RXFP1: variants seen among roughly 807,000 people sequenced by gnomAD.
The protein encoded by RXFP1 is relaxin receptor 1.
In RXFP1, 73 loss-of-function variants were observed where a neutral mutation model predicts 89.8. The ratio of observed to expected loss-of-function variants is 0.81; its 90% CI spans 0.67 to 0.99. RXFP1 has a LOEUF of 0.99. RXFP1 is among the 50% of genes least tolerant of loss of function. RXFP1 has a pLI of 0.00. For missense variants in RXFP1, 793 were observed against 895.5 expected, an observed-to-expected ratio of 0.89 and a Z score of 1.46; for synonymous variants, 277 against 305.5, an observed-to-expected ratio of 0.91 and a Z score of 0.97.
intron 1 of RXFP1, among the ~76,000 whole-genome samples, chr4:158,561,418 AAT>A (rs1369872925): frequency 5.3e-5 from 8 of 152,292 alleles, no homozygotes; most frequent in Middle Eastern, 3.4e-3. Flanking sequence ...AAATCATTTT[AAT>A]ATTGTATAAA....
In RXFP1 at chr4:158,522,580, G is replaced by A. The variant is rs554852833; in HGVS notation, c.49+555G>A. On this transcript the variant is annotated intron_variant, in intron 1 of 17. Transcript: ENST00000307765. ...TAGGCACAAAAGAAGCTCCAAATGG[G>A]CATGTTATTTTTACTATAATGACAA... Among the ~76,000 whole-genome samples, 21 of 152,200 alleles carry A rather than the reference G, an allele frequency of 1.4e-4. 1 individual carries two copies. Among genetic ancestry groups the A allele is most frequent in the Middle Eastern group, 3.4e-3 (1 of 294 alleles).
chr4:158,594,955 G>A (rs2150073568), intron 3 of RXFP1, among the ~76,000 whole-genome samples: 1 of 152,010 alleles, frequency 6.6e-6, no homozygotes, highest in East Asian at 1.9e-4. Flanking sequence ...ATGCTTAGGT[G>A]GTTATTTTAT....
chr4:158,626,111 T>TATAGATAG lies in RXFP1; in HGVS notation c.756-650_756-643dup, dbSNP rs71587463. On this transcript the variant is annotated intron_variant, in intron 9 of 17. Transcript: ENST00000307765. ...CAGGAGGATTATATTTAGATATCTA[T>TATAGATAG]ATAGATAGATAGATAGATAGATAGA... 7.6e-3 allele frequency among the ~76,000 whole-genome samples: 1,041 copies of TATAGATAG among 136,648 alleles called. 5 individuals carry two copies. Among genetic ancestry groups the TATAGATAG allele is most frequent in the East Asian group, 0.023 (105 of 4,634 alleles). 89.6% of individuals were successfully genotyped at this position (136,648 alleles called of 152,430 possible).
intron 1 of RXFP1, among the ~76,000 whole-genome samples, chr4:158,567,154 T>G (rs1181684126): frequency 6.6e-6 from 1 of 152,198 alleles, no homozygotes; most frequent in Non-Finnish European, 1.5e-5. Flanking sequence ...GCTCGGGACC[T>G]GCAGCCTACC....
At chr4:158,589,333 AC>A (rs555209752) in intron 2 of RXFP1, among the ~76,000 whole-genome samples, 5 of 152,180 alleles carry the variant, frequency 3.3e-5, no homozygotes, top group Non-Finnish European at 7.3e-5. Flanking sequence ...GCTTTGCCTA[AC>A]CTAAAGCTAT....
At chr4:158,628,840 A>C (rs986635791) in intron 11 of RXFP1, 131 bp downstream of exon 11, 26 of 424,214 alleles carry the variant, frequency 6.1e-5, no homozygotes, top group Non-Finnish European at 4.3e-6. Context: ...ACATATATAC[A>C]CCTCAAGCCA....
chr4:158,599,519 A>C (rs1436838612), intron 4 of RXFP1, 88 bp downstream of exon 4: 11 of 1,023,386 alleles, frequency 1.1e-5, no homozygotes, highest in Non-Finnish European at 9.7e-6. Flanking sequence ...TATTCATAAT[A>C]TATTTTTATT....
Position 158,522,037 on chromosome 4 carries a change from C to T in RXFP1, c.49+12C>T. 1 of 1,515,998 alleles carries T rather than the reference C, an allele frequency of 6.6e-7. No individual in the cohort carries two copies. Among genetic ancestry groups the T allele is most frequent in the Non-Finnish European group, 9.2e-7 (1 of 1,092,670 alleles). 93.9% of individuals were successfully genotyped at this position (1,515,998 alleles called of 1,614,324 possible). ...TTTTGGAAAATATTGTAAGTATGCT[C>T]AGTATCTAATTTTGTATACCTTAGT... On this transcript the variant is annotated intron_variant, in intron 1 of 17. Coordinates refer to ENST00000307765, the MANE Select transcript of RXFP1 (RefSeq NM_021634.4).
At chr4:158,634,676 G>A (rs1230790957) in intron 12 of RXFP1, among the ~76,000 whole-genome samples, 1 of 151,980 alleles carries the variant, frequency 6.6e-6, no homozygotes, top group Non-Finnish European at 1.5e-5. Context: ...TTAATATTTA[G>A]GTCTTAAATC....
chr4:158,534,205 A>G (rs1744727967), intron 1 of RXFP1, among the ~76,000 whole-genome samples: 1 of 151,678 alleles, frequency 6.6e-6, no homozygotes, highest in Admixed American at 6.6e-5. Flanking sequence ...CCATGTACTT[A>G]GATACACAAA....
At chr4:158,574,650 T>TAG (rs1755841708) in intron 2 of RXFP1, among the ~76,000 whole-genome samples, 1 of 152,266 alleles carries the variant, frequency 6.6e-6, no homozygotes, top group East Asian at 1.9e-4. Flanking sequence ...TACATGCCTC[T>TAG]GAGCTTTCTT....
At chr4:158,623,035 T>A (rs1765928062) in intron 9 of RXFP1, among the ~76,000 whole-genome samples, 1 of 152,196 alleles carries the variant, frequency 6.6e-6, no homozygotes, top group Non-Finnish European at 1.5e-5. Flanking sequence ...ATATTTTATC[T>A]AAGTAGGTGG....
chr4:158,637,114 T>C (rs905440558), intron 12 of RXFP1, among the ~76,000 whole-genome samples: 1 of 152,198 alleles, frequency 6.6e-6, no homozygotes, highest in Admixed American at 6.5e-5. Flanking sequence ...CTATTGTGTA[T>C]GTATACATAT....
At chr4:158,549,373 TA>T (rs1749470447) in intron 1 of RXFP1, among the ~76,000 whole-genome samples, 1 of 152,206 alleles carries the variant, frequency 6.6e-6, no homozygotes, top group Non-Finnish European at 1.5e-5. Flanking sequence ...TCAAAGTTTT[TA>T]ACTTCTTTGC....
intron 3 of RXFP1, among the ~76,000 whole-genome samples, chr4:158,595,975 C>T (rs566913394): frequency 1.2e-4 from 17 of 143,164 alleles, no homozygotes; most frequent in Non-Finnish European, 2.5e-4. Context: ...ATAGTGAGAA[C>T]CCAATCTCTC....
At chr4:158,619,779 A>G (rs1318106312) in intron 9 of RXFP1, among the ~76,000 whole-genome samples, 2 of 151,344 alleles carry the variant, frequency 1.3e-5, no homozygotes. Flanking sequence ...CATTACTTCC[A>G]TAGGAGGAAT....
chr4:158,549,136 G>A (rs1749379632), intron 1 of RXFP1, among the ~76,000 whole-genome samples: 1 of 151,770 alleles, frequency 6.6e-6, no homozygotes. Flanking sequence ...ATTTCTTGGA[G>A]GCTTTGTTCG....
intron 4 of RXFP1, among the ~76,000 whole-genome samples, chr4:158,604,629 T>C (rs913295696): frequency 3.3e-5 from 5 of 152,188 alleles, no homozygotes; most frequent in African/African-American, 1.2e-4. Flanking sequence ...ATTGATGTTT[T>C]CCTTCATAAC....
chr4:158,545,436 A>G (rs537976718), intron 1 of RXFP1, among the ~76,000 whole-genome samples: 1 of 152,264 alleles, frequency 6.6e-6, no homozygotes, highest in Admixed American at 6.5e-5. Context: ...TTTGCTGTGC[A>G]GAAGCTCTTT....
Sources: gnomAD v4.1 joint callset for allele counts (sites outside exome capture counted in the v4.1 genomes callset) on GRCh38, gnomAD v4.1.1 for gene constraint, MANE v1.5 for transcripts, NCBI Gene and HGNC (gene_info 2026-07-23, HGNC 2026-07-21) for gene names.